Variants in AKAP6 observed in about 807,000 individuals in gnomAD.
AKAP6 encodes A-kinase anchoring protein 6, also known as A-kinase anchor protein 6.
Under a neutral mutation model 188.5 loss-of-function variants are expected in AKAP6, and 58 were observed. The observed-to-expected ratio is 0.31, with a 90% CI of 0.25 to 0.38. The LOEUF (loss-of-function observed/expected upper bound fraction) is 0.38. Ranked by LOEUF, AKAP6 falls within the 10% of genes least tolerant of loss-of-function variation. AKAP6 has a pLI of 1.00. For synonymous variants in AKAP6, 989 were observed against 998.6 expected (o/e 0.99, Z 0.18); for missense variants, 2,710 against 2,740.0 (o/e 0.99, Z 0.24).
chr14:32,413,335 A>G (rs1054178629), intron 1 of AKAP6, among the ~76,000 whole-genome samples: 1 of 151,752 alleles, frequency 6.6e-6, no homozygotes, highest in Admixed American at 6.6e-5. Flanking sequence ...AGCATGTGCC[A>G]CCACACCTGG....
chr14:32,376,052 A>G (rs958191154), intron 1 of AKAP6: 5 of 152,236 alleles, frequency 3.3e-5, no homozygotes, highest in African/African-American at 1.2e-4. Flanking sequence ...TCTGAAAAAA[A>G]GTGTACTGTA....
chr14:32,395,910 T>C (rs1359127656), intron 1 of AKAP6, among the ~76,000 whole-genome samples: 2 of 152,214 alleles, frequency 1.3e-5, no homozygotes, highest in East Asian at 1.9e-4. Context: ...CCCACTGTTA[T>C]TTATCATTAG....
At chr14:32,457,520 T>TA (rs1022677945) in intron 2 of AKAP6, among the ~76,000 whole-genome samples, 32 of 151,466 alleles carry the variant, frequency 2.1e-4, no homozygotes, top group African/African-American at 6.8e-4. Flanking sequence ...GAGGCTGAAC[T>TA]AAAAAAAAAT....
At chr14:32,612,738 CCTTTGTTTAAACAGCCTTG>C (rs1419653493) in intron 7 of AKAP6, among the ~76,000 whole-genome samples, 18 of 152,080 alleles carry the variant, frequency 1.2e-4, no homozygotes, top group Admixed American at 1.2e-3. Context: ...TTTTTTAAAA[CCTTTGTTTAAACAGCCTTG>C]CTGAAAGGAT....
chr14:32,738,631 A>G (rs1211242035), intron 11 of AKAP6, among the ~76,000 whole-genome samples: 1 of 152,166 alleles, frequency 6.6e-6, no homozygotes, highest in Non-Finnish European at 1.5e-5. Context: ...GAGTTGTGGA[A>G]AGGTAATGTG....
chr14:32,688,712 A>G (rs1890035246), intron 8 of AKAP6, among the ~76,000 whole-genome samples: 1 of 152,140 alleles, frequency 6.6e-6, no homozygotes, highest in African/African-American at 2.4e-5. Flanking sequence ...CAAATCCCCA[A>G]AGCAGTTTTT....
At chr14:32,456,109 CTAGACT>C (rs1340251886) in intron 2 of AKAP6, among the ~76,000 whole-genome samples, 1 of 151,360 alleles carries the variant, frequency 6.6e-6, no homozygotes, top group Non-Finnish European at 1.5e-5. Context: ...TTAGAAATGG[CTAGACT>C]TAATAAATAC....
At chr14:32,342,114 T>G (rs1029257941) in intron 1 of AKAP6, among the ~76,000 whole-genome samples, 1 of 152,214 alleles carries the variant, frequency 6.6e-6, no homozygotes, top group African/African-American at 2.4e-5. Flanking sequence ...CTGGATGATC[T>G]ATGCTTGTTG....
intron 7 of AKAP6, among the ~76,000 whole-genome samples, chr14:32,649,862 A>G (rs1001280288): frequency 1.3e-5 from 2 of 152,302 alleles, no homozygotes; most frequent in South Asian, 2.1e-4. Flanking sequence ...AGTCAGTTTA[A>G]CAAATGACGA....
chr14:32,816,006 G>A (rs1051625208), intron 12 of AKAP6, among the ~76,000 whole-genome samples: 2 of 152,056 alleles, frequency 1.3e-5, no homozygotes, highest in Non-Finnish European at 2.9e-5. Flanking sequence ...GTTGCAAAAT[G>A]GCTGATAAAC....
intron 4 of AKAP6, among the ~76,000 whole-genome samples, chr14:32,552,215 C>T (rs563853069): frequency 2.3e-4 from 35 of 152,182 alleles, no homozygotes; most frequent in Non-Finnish European, 4.4e-4. Context: ...TTTTCCTATG[C>T]AGCACAGCTA....
chr14:32,345,268 G>A (rs1332686482), intron 1 of AKAP6, among the ~76,000 whole-genome samples: 2 of 152,148 alleles, frequency 1.3e-5, no homozygotes, highest in Admixed American at 6.5e-5. Context: ...TTAAAATGCT[G>A]TATCTAGTTA....
chr14:32,485,765 G>T (rs148929543), intron 2 of AKAP6, among the ~76,000 whole-genome samples: 1,742 of 152,188 alleles, frequency 0.011, 13 homozygotes, highest in East Asian at 0.027. Context: ...TCTGTAGGTT[G>T]CCTGTTCACT....
At chr14:32,607,406 A>G (rs560910426) in intron 7 of AKAP6, among the ~76,000 whole-genome samples, 1 of 152,328 alleles carries the variant, frequency 6.6e-6, no homozygotes, top group Non-Finnish European at 1.5e-5. Context: ...TGCAAACAAG[A>G]GCACAGGTAT....
intron 12 of AKAP6, among the ~76,000 whole-genome samples, chr14:32,805,528 G>A (rs1297196294): frequency 6.6e-6 from 1 of 152,132 alleles, no homozygotes; most frequent in Non-Finnish European, 1.5e-5. Context: ...AACATTTTCT[G>A]TGTGTTATGA....
chr14:32,406,398 C>T (rs756568530), intron 1 of AKAP6, among the ~76,000 whole-genome samples: 5 of 152,024 alleles, frequency 3.3e-5, no homozygotes, highest in East Asian at 1.9e-4. Context: ...TTAGTAGAGA[C>T]GGGGTTTCCC....
At chr14:32,584,372 A>G (rs1480025527) in intron 5 of AKAP6, among the ~76,000 whole-genome samples, 1 of 152,196 alleles carries the variant, frequency 6.6e-6, no homozygotes, top group African/African-American at 2.4e-5. Flanking sequence ...ACTTCACCAC[A>G]CAACTCAGAA....
chr14:32,776,432 A>C (rs1185235989), intron 12 of AKAP6, among the ~76,000 whole-genome samples: 2 of 152,116 alleles, frequency 1.3e-5, no homozygotes, highest in East Asian at 3.9e-4. Context: ...TTCCACCATG[A>C]TTGTGAGGCC....
intron 7 of AKAP6, among the ~76,000 whole-genome samples, chr14:32,651,614 CTG>C (rs1466639183): frequency 6.6e-6 from 1 of 152,134 alleles, no homozygotes; most frequent in Admixed American, 6.5e-5. Context: ...AGGGTGAACT[CTG>C]TGTCCTCACA....
Sources: allele counts gnomAD v4.1 joint callset (sites outside exome capture counted in the v4.1 genomes callset), GRCh38; gene constraint gnomAD v4.1.1; transcripts MANE v1.5; gene names NCBI Gene and HGNC (gene_info 2026-07-23, HGNC 2026-07-21).